The following ZNF254 variants were observed in gnomAD, a reference collection of about 807,000 sequenced individuals.
The protein encoded by ZNF254 is CTD-2017D11.1.
A neutral mutation model predicts 12.4 loss-of-function variants in ZNF254; 10 were observed. The observed-to-expected ratio is 0.80, with a 90% CI of 0.50 to 1.36. The LOEUF is 1.36. Ranked by LOEUF, ZNF254 falls within the 40% of genes most tolerant of loss-of-function variation. ZNF254 has a pLI of 0.00. For synonymous variants in ZNF254, 305 were observed against 253.4 expected (o/e 1.20, Z -1.93); for missense variants, 996 against 763.9 (o/e 1.30, Z -3.58).
intron 2 of ZNF254, among the ~76,000 whole-genome samples, chr19:24,065,090 G>A (rs1055718490): frequency 2.0e-5 from 3 of 152,170 alleles, no homozygotes; most frequent in Admixed American, 6.6e-5. Flanking sequence ...AACACCTAGG[G>A]GTTGGAAGGC....
chr19:24,129,824 T>A lies in ZNF254; in HGVS notation c.*1844T>A, dbSNP rs564797859. ...CGTGTAAAATCTATACATTTCTGAG[T>A]TCTGAATAAATATTTTTAAAAATTT... On this transcript the variant is annotated 3_prime_UTR_variant, in exon 4 of 4. Transcript: ENST00000357002. The A allele has an allele frequency of 6.2e-4, 94 of 152,090 alleles. No homozygotes were observed. The highest frequency in any genetic ancestry group is 3.4e-3 in the Middle Eastern group (1 of 294). The allele number at this position is 152,090 out of a possible 1,614,324, so 9.4% of individuals were successfully genotyped here.
In ZNF254 at chr19:24,127,392, T is replaced by A; in HGVS notation, c.1392T>A (p.Cys464Ter). 1.2e-6 allele frequency: 2 copies of A among 1,611,998 alleles called. No homozygotes were observed. Among genetic ancestry groups the A allele is most frequent in the Admixed American group, 1.7e-5 (1 of 59,876 alleles). Residue 464 changes from cysteine (C) to a stop codon, truncating the protein, a stop_gained, in exon 4 of 4, where the codon TGT becomes TGA. Transcript: ENST00000357002. LOFTEE classifies it low-confidence loss of function (END_TRUNC). ...ATACTAGAGAGAAACCCTACAAATG[T>A]GAAGAATGTGGCAAGGCATTTATAT... Reference protein sequence around the residue: ...RIHTREKPYKCEECGKAFIWS... With the variant: ...RIHTREKPYK
upstream of ZNF254, among the ~76,000 whole-genome samples, chr19:24,083,341 C>T (rs1971916985): frequency 6.6e-6 from 1 of 152,076 alleles, no homozygotes. Flanking sequence ...AAAAACACAT[C>T]CCATGCTTAT....
intron 1 of ZNF254, among the ~76,000 whole-genome samples, chr19:24,092,629 C>CCT (rs907776552): frequency 1.3e-5 from 2 of 152,120 alleles, no homozygotes; most frequent in East Asian, 1.9e-4. Flanking sequence ...AATCCACCTG[C>CCT]CTTGGCCTCT....
intron 2 of ZNF254, among the ~76,000 whole-genome samples, chr19:24,055,610 A>G (rs1419760770): frequency 6.6e-6 from 1 of 152,106 alleles, no homozygotes; most frequent in Non-Finnish European, 1.5e-5. Flanking sequence ...ACACCCATCA[A>G]AAAGTATACA....
intron 2 of ZNF254, among the ~76,000 whole-genome samples, chr19:24,071,163 G>A (rs573822594): frequency 9.5e-4 from 144 of 152,164 alleles, no homozygotes; most frequent in African/African-American, 3.3e-3. Flanking sequence ...CCCTACTCTC[G>A]ACTTTTACAT....
rs1308654553 is a variant in ZNF254, at chr19:24,129,930, A to G, written c.*1950A>G. The G allele has an allele frequency of 6.6e-6, 1 of 152,140 alleles. No individual in the cohort carries two copies. The highest frequency in any genetic ancestry group is 1.5e-5 in the Non-Finnish European group (1 of 68,022). 9.4% of individuals were successfully genotyped at this position (152,140 alleles called of 1,614,324 possible). A position where few individuals can be genotyped will look rare whatever the true frequency, so the allele number is the denominator to read the frequency against. ...AGAATTGATTTACATAAAATTAAAT[A>G]TATACTTCTATTAAAGATAAACCTT... On this transcript the variant is annotated 3_prime_UTR_variant, in exon 4 of 4. Transcript: ENST00000357002.
intron 3 of ZNF254, 60 bp downstream of exon 3, chr19:24,106,703 C>A: frequency 7.2e-7 from 1 of 1,385,568 alleles, no homozygotes; most frequent in Non-Finnish European, 9.9e-7. Flanking sequence ...AAGAAGAAAG[C>A]CACTCTTTAA....
At chr19:24,099,524 A>C (rs1218175693) in intron 1 of ZNF254, among the ~76,000 whole-genome samples, 1 of 152,338 alleles carries the variant, frequency 6.6e-6, no homozygotes, top group East Asian at 1.9e-4. Flanking sequence ...CAAGTAGCCA[A>C]AAAGACAGCA....
intron 2 of ZNF254, among the ~76,000 whole-genome samples, chr19:24,059,562 A>G (rs746807433): frequency 3.3e-5 from 5 of 152,012 alleles, no homozygotes; most frequent in Admixed American, 6.6e-5. Context: ...AGAGAGTTTG[A>G]TATATTGCTT....
At chr19:24,094,949 G>A (rs1972589927) in intron 1 of ZNF254, among the ~76,000 whole-genome samples, 1 of 152,170 alleles carries the variant, frequency 6.6e-6, no homozygotes, top group South Asian at 2.1e-4. Context: ...GGCCTCCCAA[G>A]TTGCTGGAAT....
At chr19:24,067,542 A>T (rs905849586) in intron 2 of ZNF254, among the ~76,000 whole-genome samples, 6 of 151,926 alleles carry the variant, frequency 3.9e-5, no homozygotes, top group African/African-American at 1.5e-4. Context: ...CTCCTACGTT[A>T]TCTGACTCCT....
intron 3 of ZNF254, among the ~76,000 whole-genome samples, chr19:24,120,686 G>A (rs929664475): frequency 5.3e-5 from 8 of 150,838 alleles, no homozygotes; most frequent in African/African-American, 2.0e-4. Context: ...TTGTTGAGAT[G>A]GAGTCTTGCT....
chr19:24,114,603 C>T (rs368028551), intron 3 of ZNF254, among the ~76,000 whole-genome samples: 27 of 124,832 alleles, frequency 2.2e-4, no homozygotes, highest in Admixed American at 2.0e-3. Context: ...ATTACCATTC[C>T]GGACATAGGC....
intron 3 of ZNF254, among the ~76,000 whole-genome samples, chr19:24,109,341 A>C (rs1240873422): frequency 6.6e-6 from 1 of 152,220 alleles, no homozygotes; most frequent in Non-Finnish European, 1.5e-5. Context: ...GTTACAGTCA[A>C]ACATTGCAGT....
At chr19:24,052,864 A>C (rs1970700644) in intron 2 of ZNF254, among the ~76,000 whole-genome samples, 1 of 152,172 alleles carries the variant, frequency 6.6e-6, no homozygotes. Flanking sequence ...TAGCAGATAC[A>C]CTAGTTCTCA....
chr19:24,059,665 A>C (rs752175001), intron 2 of ZNF254, among the ~76,000 whole-genome samples: 2 of 152,104 alleles, frequency 1.3e-5, no homozygotes, highest in Non-Finnish European at 2.9e-5. Context: ...TAGGTGATGT[A>C]ACTCTCCTGC....
chr19:24,096,059 C>G (rs934423574), intron 1 of ZNF254, among the ~76,000 whole-genome samples: 1 of 121,636 alleles, frequency 8.2e-6, no homozygotes, highest in Non-Finnish European at 1.8e-5. Flanking sequence ...TTTTTTAGTT[C>G]TTTTTTTTTT....
At chr19:24,070,202 TATCAAGGGTCCATACC>T (rs1305878321) in intron 2 of ZNF254, among the ~76,000 whole-genome samples, 1 of 152,240 alleles carries the variant, frequency 6.6e-6, no homozygotes, top group Admixed American at 6.5e-5. Flanking sequence ...CAGCATGTAC[TATCAAGGGTCCATACC>T]ATCACAAATG....
Sources: gnomAD v4.1 joint callset for allele counts (sites outside exome capture counted in the v4.1 genomes callset) on GRCh38, gnomAD v4.1.1 for gene constraint, MANE v1.5 for transcripts, NCBI Gene and HGNC (gene_info 2026-07-23, HGNC 2026-07-21) for gene names.